Variants in TCF12 observed in about 807,000 individuals in gnomAD.
TCF12 encodes DNA-binding protein HTF4.
A neutral mutation model predicts 86.0 loss-of-function variants in TCF12; 45 were observed. That is an observed-to-expected ratio of 0.52 (90% confidence interval 0.41 to 0.67). TCF12 has a LOEUF of 0.67. TCF12 is among the 30% of genes least tolerant of loss of function. The pLI is 0.00. For synonymous variants in TCF12, 330 were observed against 299.6 expected (o/e 1.10, Z -1.05); for missense variants, 881 against 859.9 (o/e 1.02, Z -0.31).
intron 19 of TCF12, among the ~76,000 whole-genome samples, chr15:57,275,138 T>C (rs2061320277): frequency 6.6e-6 from 1 of 152,196 alleles, no homozygotes; most frequent in Non-Finnish European, 1.5e-5. Context: ...TTCATACAGT[T>C]CTGTAAAGCT....
chr15:57,138,327 TA>T, intron 5 of TCF12, among the ~76,000 whole-genome samples: 1 of 152,232 alleles, frequency 6.6e-6, no homozygotes, highest in Non-Finnish European at 1.5e-5. Context: ...TTTCAGTGTT[TA>T]AATCGGATCT....
At chr15:57,130,269 T>C (rs2084605585) in intron 5 of TCF12, among the ~76,000 whole-genome samples, 1 of 152,196 alleles carries the variant, frequency 6.6e-6, no homozygotes, top group South Asian at 2.1e-4. Flanking sequence ...CCAGATGTTA[T>C]TACCTTAAAG....
chr15:57,265,286 C>T (rs1455336969), intron 18 of TCF12, among the ~76,000 whole-genome samples: 3 of 152,020 alleles, frequency 2.0e-5, no homozygotes, highest in South Asian at 2.1e-4. Context: ...TCCCATGTCT[C>T]CTCATGTGGG....
chr15:57,055,341 C>T lies in TCF12; in HGVS notation c.149-8409C>T, dbSNP rs142988155. On this transcript the variant is annotated intron_variant, in intron 3 of 20. Coordinates refer to ENST00000333725, the MANE Select transcript of TCF12 (RefSeq NM_207037.2). The stretch of plus-strand genomic sequence containing the variant: ...CGCTTGAACCTGGAGGCGGCGGTTG[C>T]AGTGAGCTCAGATCGCGCCACTGCA... Among the ~76,000 whole-genome samples, 1,182 of 152,282 alleles carry T rather than the reference C, an allele frequency of 7.8e-3. 16 individuals are homozygous for T. The highest frequency in any genetic ancestry group is 0.027 in the African/African-American group (1,119 of 41,562).
chr15:57,122,098 CAA>C (rs1159877371), intron 5 of TCF12, among the ~76,000 whole-genome samples: 25 of 99,100 alleles, frequency 2.5e-4, no homozygotes, highest in African/African-American at 6.1e-4. Flanking sequence ...TTTCCTTGTA[CAA>C]AAAAAAAAAA....
intron 3 of TCF12, among the ~76,000 whole-genome samples, chr15:57,058,053 A>C (rs16977226): frequency 0.07 from 10,719 of 152,198 alleles, 1,000 homozygotes; most frequent in East Asian, 0.29. Context: ...AAGGTAGCTC[A>C]AGAGCCTTTG....
intron 6 of TCF12, among the ~76,000 whole-genome samples, chr15:57,186,938 T>C (rs925971279): frequency 2.0e-5 from 3 of 152,142 alleles, no homozygotes; most frequent in Non-Finnish European, 4.4e-5. Context: ...TCCAACACTT[T>C]AGGAGGCCAA....
At chr15:57,018,301 C>CTA (rs2065269128) in intron 3 of TCF12, among the ~76,000 whole-genome samples, 2 of 152,060 alleles carry the variant, frequency 1.3e-5, no homozygotes, top group African/African-American at 4.8e-5. Context: ...TAGTGATTGG[C>CTA]TATACATTGT....
At chr15:56,990,641 G>A (rs145679774) in intron 3 of TCF12, among the ~76,000 whole-genome samples, 1 of 152,106 alleles carries the variant, frequency 6.6e-6, no homozygotes, top group East Asian at 1.9e-4. Flanking sequence ...ATATCTGTTG[G>A]CCTGTAGCAT....
intron 3 of TCF12, among the ~76,000 whole-genome samples, chr15:56,967,115 C>T (rs1262208371): frequency 6.7e-6 from 1 of 149,382 alleles, no homozygotes; most frequent in African/African-American, 2.5e-5. Flanking sequence ...GAGCGAGACT[C>T]GGTCCCCCCG....
intron 5 of TCF12, among the ~76,000 whole-genome samples, chr15:57,113,979 A>G (rs1198604542): frequency 2.0e-5 from 3 of 151,970 alleles, no homozygotes; most frequent in Non-Finnish European, 2.9e-5. Flanking sequence ...AAAATAGTAA[A>G]TTTAGAGATG....
chr15:57,256,100 A>C (rs1260018383), intron 16 of TCF12, among the ~76,000 whole-genome samples: 1 of 152,230 alleles, frequency 6.6e-6, no homozygotes, highest in Non-Finnish European at 1.5e-5. Flanking sequence ...CTAGCTGACA[A>C]AATCTGACAC....
intron 3 of TCF12, among the ~76,000 whole-genome samples, chr15:56,936,982 A>C (rs2060497295): frequency 6.6e-6 from 1 of 150,842 alleles, no homozygotes; most frequent in African/African-American, 2.4e-5. Context: ...GAATTTTAGG[A>C]TTTTTTTTTC....
At chr15:57,166,366 A>G in intron 5 of TCF12, 36 bp from the exon 6 acceptor site, 1 of 1,556,792 alleles carries the variant, frequency 6.4e-7, no homozygotes, top group East Asian at 2.3e-5. Flanking sequence ...CAATAAATGA[A>G]GGGTTTTATA....
intron 3 of TCF12, among the ~76,000 whole-genome samples, chr15:57,048,362 C>T (rs1383469983): frequency 6.6e-6 from 1 of 152,070 alleles, no homozygotes; most frequent in Non-Finnish European, 1.5e-5. Context: ...CCCAGGTTCA[C>T]GCCATTCTCC....
rs1175845405 is a variant in TCF12 at position 57,231,267 on chromosome 15, A to G, written c.685+10A>G. The G allele has an allele frequency of 1.9e-6, 3 of 1,583,984 alleles. No individual in the cohort carries two copies. In the East Asian group the frequency reaches 6.7e-5, roughly 35 times the overall value. On this transcript the variant is annotated intron_variant, in intron 9 of 20. Transcript: ENST00000333725. ...ACTTTCTTTATGCAAGGTAAGTACT[A>G]CCAAACAATTGCCAAATACTACTGC...
At chr15:57,081,734 G>GT (rs1321197894) in intron 4 of TCF12, among the ~76,000 whole-genome samples, 12 of 151,808 alleles carry the variant, frequency 7.9e-5, no homozygotes, top group Admixed American at 7.9e-4. Flanking sequence ...TGTTGTTTTT[G>GT]TTTTTTGTAT....
At chr15:56,999,879 A>G (rs1277801434) in intron 3 of TCF12, among the ~76,000 whole-genome samples, 3 of 152,168 alleles carry the variant, frequency 2.0e-5, no homozygotes, top group Admixed American at 6.5e-5. Context: ...GTCTCAATCA[A>G]AAAGAAGAGT....
intron 4 of TCF12, among the ~76,000 whole-genome samples, chr15:57,088,757 T>C (rs139692658): frequency 7.2e-5 from 11 of 152,270 alleles, no homozygotes; most frequent in Admixed American, 2.6e-4. Context: ...CAAGACCTTA[T>C]GCATCTTAAT....
Sources: allele counts gnomAD v4.1 joint callset (sites outside exome capture counted in the v4.1 genomes callset), GRCh38; gene constraint gnomAD v4.1.1; transcripts MANE v1.5; gene names NCBI Gene and HGNC (gene_info 2026-07-23, HGNC 2026-07-21).